CDH12: variants seen among roughly 807,000 people sequenced by gnomAD.
The protein encoded by CDH12 is cadherin 12.
A neutral mutation model predicts 74.1 loss-of-function variants in CDH12; 41 were observed. The ratio of observed to expected loss-of-function variants is 0.55; its 90% CI spans 0.43 to 0.72. The LOEUF is 0.72. CDH12 is among the 30% of genes least tolerant of loss of function. The pLI, the probability that CDH12 is intolerant of heterozygous loss-of-function variation, is 0.00. For missense variants in CDH12, 945 were observed against 977.2 expected (o/e 0.97, Z 0.44); for synonymous variants, 399 against 355.0 (o/e 1.12, Z -1.39).
chr5:22,135,051 G>A (rs546555833), intron 4 of CDH12, among the ~76,000 whole-genome samples: 1 of 151,956 alleles, frequency 6.6e-6, no homozygotes, highest in Non-Finnish European at 1.5e-5. Context: ...GTGAACCAGT[G>A]TAAGAGCAAA....
At chr5:22,012,647 A>G (rs1027932334) in intron 5 of CDH12, among the ~76,000 whole-genome samples, 2 of 151,744 alleles carry the variant, frequency 1.3e-5, no homozygotes, top group African/African-American at 4.8e-5. Flanking sequence ...TTAATATATG[A>G]TATTTACTTG....
intron 1 of CDH12, among the ~76,000 whole-genome samples, chr5:22,805,550 A>G (rs1051396923): frequency 6.6e-6 from 1 of 152,130 alleles, no homozygotes; most frequent in African/African-American, 2.4e-5. Flanking sequence ...TGTGATCCTT[A>G]TTATGTATAT....
At chr5:22,120,994 T>G (rs756610219) in intron 4 of CDH12, among the ~76,000 whole-genome samples, 1 of 152,184 alleles carries the variant, frequency 6.6e-6, no homozygotes, top group Non-Finnish European at 1.5e-5. Flanking sequence ...TTTAGCAACA[T>G]TATATGTAAT....
intron 1 of CDH12, among the ~76,000 whole-genome samples, chr5:22,644,914 G>A (rs933874944): frequency 6.6e-6 from 1 of 151,958 alleles, no homozygotes; most frequent in East Asian, 1.9e-4. Flanking sequence ...CAACAAAGCC[G>A]AGATGACAGC....
intron 3 of CDH12, among the ~76,000 whole-genome samples, chr5:22,322,008 A>T (rs1738906342): frequency 6.6e-6 from 1 of 152,196 alleles, no homozygotes; most frequent in Non-Finnish European, 1.5e-5. Flanking sequence ...CAAATTCGTT[A>T]TCTATTTCAT....
At chr5:21,812,144 C>T (rs571685396) in intron 9 of CDH12, among the ~76,000 whole-genome samples, 11 of 151,824 alleles carry the variant, frequency 7.2e-5, no homozygotes, top group Admixed American at 2.6e-4. Context: ...TTCTTAAGTG[C>T]GTTAAAAAAA....
intron 3 of CDH12, among the ~76,000 whole-genome samples, chr5:22,367,422 C>T (rs1369162907): frequency 6.6e-6 from 1 of 152,098 alleles, no homozygotes; most frequent in African/African-American, 2.4e-5. Flanking sequence ...CCCATATAAT[C>T]CCCCATTTGT....
rs1337820223 is a variant in CDH12, at chr5:22,665,642, G to A, written c.-522-160278C>T. On this transcript the variant is annotated intron_variant, in intron 1 of 14. Coordinates refer to ENST00000382254, the MANE Select transcript of CDH12 (RefSeq NM_004061.5). ...CTTCTTTTCAGATACATCTCCCTCGGCCTCCATCCCACTGATAAATGACTT... is the reference window on the plus strand; with the variant it reads ...CTTCTTTTCAGATACATCTCCCTCGACCTCCATCCCACTGATAAATGACTT... 2.6e-5 allele frequency among the ~76,000 whole-genome samples: 4 copies of A among 152,048 alleles called. No homozygotes were observed. In the East Asian group the frequency reaches 7.8e-4, roughly 29 times the overall value.
chr5:22,375,885 A>G (rs1561355824), intron 3 of CDH12, among the ~76,000 whole-genome samples: 1 of 152,150 alleles, frequency 6.6e-6, no homozygotes, highest in Non-Finnish European at 1.5e-5. Context: ...TACAGCCACT[A>G]TGGAAAACAG....
chr5:22,293,317 G>C (rs1398063615), intron 3 of CDH12, among the ~76,000 whole-genome samples: 1 of 152,084 alleles, frequency 6.6e-6, no homozygotes, highest in Non-Finnish European at 1.5e-5. Flanking sequence ...CCAGAAGAAT[G>C]AGCAGCACCC....
intron 2 of CDH12, among the ~76,000 whole-genome samples, chr5:22,465,565 G>A (rs951744834): frequency 6.6e-6 from 1 of 152,182 alleles, no homozygotes; most frequent in African/African-American, 2.4e-5. Flanking sequence ...AGGATTGCTT[G>A]AGCCGAGGAG....
At position 22,153,913 on chromosome 5, in the gene CDH12, TACAC is replaced by T. The variant is rs71609744; in HGVS notation, c.-187+58581_-187+58584del. ...AAATATATATATATATACACACACA[TACAC>T]ACACACACACAAACATATATATGTA... On this transcript the variant is annotated intron_variant, in intron 4 of 14. Transcript: ENST00000382254. 2.0e-4 allele frequency among the ~76,000 whole-genome samples: 26 copies of T among 130,318 alleles called. No homozygotes were observed. The South Asian group carries it at 2.3e-3, about 12-fold the overall frequency. The allele number at this position is 130,318 out of a possible 152,430, so 85.5% of individuals were successfully genotyped here.
intron 3 of CDH12, among the ~76,000 whole-genome samples, chr5:22,259,442 A>G (rs941299563): frequency 2.6e-5 from 4 of 152,094 alleles, no homozygotes; most frequent in African/African-American, 9.6e-5. Context: ...ATAAACCATC[A>G]TAGCTTCTCA....
chr5:22,462,493 T>C (rs1385929066), intron 2 of CDH12, among the ~76,000 whole-genome samples: 1 of 152,104 alleles, frequency 6.6e-6, no homozygotes, highest in Non-Finnish European at 1.5e-5. Flanking sequence ...TTGACTCAGG[T>C]AGTCGGATCA....
chr5:22,354,850 T>A (rs1042280926), intron 3 of CDH12, among the ~76,000 whole-genome samples: 64 of 152,184 alleles, frequency 4.2e-4, no homozygotes, highest in African/African-American at 1.5e-3. Context: ...ATATACTGGT[T>A]TATAATTTTC....
At chr5:21,962,296 A>C (rs1327426295) in intron 6 of CDH12, among the ~76,000 whole-genome samples, 1 of 152,130 alleles carries the variant, frequency 6.6e-6, no homozygotes, top group Non-Finnish European at 1.5e-5. Context: ...GTTTGAGATT[A>C]GATAAATTCA....
chr5:22,502,199 T>C (rs982454844), intron 2 of CDH12, among the ~76,000 whole-genome samples: 7 of 152,086 alleles, frequency 4.6e-5, no homozygotes, highest in African/African-American at 1.7e-4. Context: ...TGGGAGGTAA[T>C]TGAATCATGG....
chr5:22,375,872 T>G (rs547013362), intron 3 of CDH12, among the ~76,000 whole-genome samples: 1 of 152,202 alleles, frequency 6.6e-6, no homozygotes, highest in East Asian at 1.9e-4. Context: ...GAATGTAAAT[T>G]ACTACAGCCA....
At chr5:22,591,147 C>A (rs1736294735) in intron 1 of CDH12, among the ~76,000 whole-genome samples, 1 of 152,134 alleles carries the variant, frequency 6.6e-6, no homozygotes. Context: ...CAGTCTCTCA[C>A]AAATGCTTTG....
Sources: gnomAD v4.1 joint callset for allele counts (sites outside exome capture counted in the v4.1 genomes callset) on GRCh38, gnomAD v4.1.1 for gene constraint, MANE v1.5 for transcripts, NCBI Gene and HGNC (gene_info 2026-07-23, HGNC 2026-07-21) for gene names.